FN1: variants seen among roughly 807,000 people sequenced by gnomAD.
The protein encoded by FN1 is fibronectin.
A neutral mutation model predicts 297.3 loss-of-function variants in FN1; 106 were observed. That is an observed-to-expected ratio of 0.36 (90% CI 0.30 to 0.42). The LOEUF (loss-of-function observed/expected upper bound fraction) is 0.42, where lower values mean the gene tolerates loss of function less well. Among genes scored for constraint, FN1 ranks in the 10% least tolerant of loss-of-function variants. The probability of loss-of-function intolerance (pLI) is 1.00; values close to 1 mark genes in which losing one functional copy is unlikely to be tolerated. For synonymous variants in FN1, 1,149 were observed against 1,152.6 expected, an observed-to-expected ratio of 1.00 and a Z score of 0.06; for missense variants, 2,690 against 3,124.9, an observed-to-expected ratio of 0.86 and a Z score of 3.32.
At chr2:215,422,986 C>T (rs1464647489) in intron 9 of FN1, among the ~76,000 whole-genome samples, 1 of 152,048 alleles carries the variant, frequency 6.6e-6, no homozygotes. Flanking sequence ...TGACTAAAGC[C>T]GTCATACATA....
chr2:215,377,726 G>A (rs2057555651), intron 35 of FN1, among the ~76,000 whole-genome samples: 1 of 136,908 alleles, frequency 7.3e-6, no homozygotes, highest in South Asian at 2.3e-4. Flanking sequence ...GCAGAAGCCA[G>A]TGGGGTCTCC....
chr2:215,431,447 CTATTTCA>C (rs2066493300), intron 4 of FN1, among the ~76,000 whole-genome samples: 1 of 152,168 alleles, frequency 6.6e-6, no homozygotes, highest in Non-Finnish European at 1.5e-5. Context: ...CAAGCACACA[CTATTTCA>C]TGTTTCGGTC....
At chr2:215,414,194 T>C (rs994164303) in intron 13 of FN1, among the ~76,000 whole-genome samples, 27 of 152,136 alleles carry the variant, frequency 1.8e-4, no homozygotes, top group African/African-American at 4.8e-4. Context: ...CTTGAGAGAG[T>C]AAGAGAAACT....
chr2:215,392,053 A>T (rs1230845248), intron 25 of FN1: 9 of 494,678 alleles, frequency 1.8e-5, no homozygotes, highest in Middle Eastern at 5.6e-4. Flanking sequence ...TTTAAAAAAA[A>T]TTTTAATCTA....
intron 25 of FN1, 81 bp from the exon 26 acceptor site, chr2:215,391,895 A>G (rs2059750071): frequency 1.9e-5 from 21 of 1,115,256 alleles, no homozygotes; most frequent in Admixed American, 1.6e-4. Context: ...GGTAAAATCA[A>G]TATTTCATGC....
At chr2:215,415,850 T>C (rs1437797) in intron 12 of FN1, among the ~76,000 whole-genome samples, 41,696 of 151,968 alleles carry the variant, frequency 0.27, 6,108 homozygotes, top group Non-Finnish European at 0.31. Flanking sequence ...AGAAAATTTA[T>C]GCTTGCAGAA....
chr2:215,423,755 C>G (rs1229736012), intron 8 of FN1, among the ~76,000 whole-genome samples: 1 of 151,956 alleles, frequency 6.6e-6, no homozygotes, highest in Non-Finnish European at 1.5e-5. Context: ...CAGCACCCCC[C>G]CCACAAAAGA....
At chr2:215,421,149 A>C (rs916406043) in intron 10 of FN1, 3 of 335,712 alleles carry the variant, frequency 8.9e-6, no homozygotes, top group Non-Finnish European at 1.7e-5. Flanking sequence ...TTTCCTTTAA[A>C]TATCTGCTTG....
chr2:215,393,224 G>A (rs773317201), intron 24 of FN1, 21 bp from the exon 25 acceptor site: 2 of 1,605,712 alleles, frequency 1.2e-6, no homozygotes, highest in South Asian at 2.2e-5. Flanking sequence ...ACAAAGCAAA[G>A]GGAGGGGGAG....
At chr2:215,390,528 G>A (rs2059595736) in intron 26 of FN1, among the ~76,000 whole-genome samples, 2 of 152,096 alleles carry the variant, frequency 1.3e-5, no homozygotes. Flanking sequence ...TTGCTAGGAG[G>A]GAGAGGGGCT....
chr2:215,399,379 C>A, intron 20 of FN1, 28 bp from the exon 21 acceptor site: 1 of 1,475,164 alleles, frequency 6.8e-7, no homozygotes, highest in Non-Finnish European at 9.5e-7. Flanking sequence ...TGCACATATT[C>A]AAAACTCAAA....
At chr2:215,429,719 GTACTC>G in intron 5 of FN1, among the ~76,000 whole-genome samples, 1 of 152,258 alleles carries the variant, frequency 6.6e-6, no homozygotes, top group South Asian at 2.1e-4. Flanking sequence ...GACCCCCTAA[GTACTC>G]TTTGAAGGCT....
chr2:215,383,893 A>C, intron 30 of FN1, 127 bp downstream of exon 30: 1 of 1,003,004 alleles, frequency 1.0e-6, no homozygotes, highest in South Asian at 1.4e-5. Flanking sequence ...TGCAGGTGCT[A>C]GCTGCAGGTT....
chr2:215,388,750 G>GTGA (rs1223067958), intron 26 of FN1, among the ~76,000 whole-genome samples: 1 of 152,158 alleles, frequency 6.6e-6, no homozygotes, highest in East Asian at 1.9e-4. Context: ...TATCTTTAAA[G>GTGA]TGATGGGTTT....
chr2:215,393,241 G>A (rs774489450), intron 24 of FN1, 38 bp from the exon 25 acceptor site: 1 of 1,600,290 alleles, frequency 6.2e-7, no homozygotes, highest in South Asian at 1.1e-5. Flanking sequence ...GGAGGCAAAA[G>A]GAAAATAGAG....
intron 21 of FN1, 48 bp from the exon 22 acceptor site, chr2:215,397,896 G>A: frequency 6.5e-7 from 1 of 1,527,610 alleles, no homozygotes; most frequent in Non-Finnish European, 9.1e-7. Context: ...TATTTCCAGA[G>A]GACTGTTACT....
At chr2:215,370,554 C>CAAAAA in intron 40 of FN1, 122 bp from the exon 41 acceptor site, 1 of 313,454 alleles carries the variant, frequency 3.2e-6, no homozygotes, top group Non-Finnish European at 5.5e-6. Context: ...AAACAAAAAA[C>CAAAAA]AAAAAAAAAA....
chr2:215,428,368 T>A (rs1160963287), intron 5 of FN1, 30 bp from the exon 6 acceptor site: 1 of 1,610,486 alleles, frequency 6.2e-7, no homozygotes, highest in South Asian at 1.1e-5. Flanking sequence ...CATACATACA[T>A]CAGGTCGAGA....
intron 5 of FN1, among the ~76,000 whole-genome samples, chr2:215,428,978 G>T (rs1322394790): frequency 6.6e-6 from 1 of 152,002 alleles, no homozygotes; most frequent in Non-Finnish European, 1.5e-5. Context: ...TCACACCATT[G>T]CACTCCAGCC....
Sources: allele counts gnomAD v4.1 joint callset (sites outside exome capture counted in the v4.1 genomes callset), GRCh38; gene constraint gnomAD v4.1.1; transcripts MANE v1.5; gene names NCBI Gene and HGNC (gene_info 2026-07-23, HGNC 2026-07-21).